Variants in USP34 observed in about 807,000 individuals in gnomAD.
USP34 encodes the protein ubiquitin carboxyl-terminal hydrolase 34.
USP34 carries 70 observed loss-of-function variants against 460.3 expected under a neutral mutation model. The observed-to-expected ratio is 0.15, with a 90% CI of 0.13 to 0.19. The LOEUF (loss-of-function observed/expected upper bound fraction) is 0.19. USP34 is among the 10% of genes least tolerant of loss of function. USP34 has a pLI of 1.00. For missense variants in USP34, 3,985 were observed against 4,236.2 expected (o/e 0.94, Z 1.65); for synonymous variants, 1,647 against 1,405.3 (o/e 1.17, Z -3.85).
At chr2:61,462,952 G>A (rs1053112391) in intron 1 of USP34, among the ~76,000 whole-genome samples, 1 of 150,762 alleles carries the variant, frequency 6.6e-6, no homozygotes, top group African/African-American at 2.4e-5. Context: ...AATCACTTGA[G>A]CCCAGGAGGT....
chr2:61,342,040 G>C (rs1691619533), intron 16 of USP34, among the ~76,000 whole-genome samples: 1 of 152,078 alleles, frequency 6.6e-6, no homozygotes, highest in Admixed American at 6.5e-5. Context: ...TGGGATTACA[G>C]ATGTGAGCCA....
chr2:61,425,824 C>A (rs1694494482), intron 1 of USP34, among the ~76,000 whole-genome samples: 1 of 152,002 alleles, frequency 6.6e-6, no homozygotes. Context: ...GCTGGCATCA[C>A]CCCTTCCCCT....
At chr2:61,433,362 G>A (rs549124898) in intron 1 of USP34, among the ~76,000 whole-genome samples, 4 of 152,172 alleles carry the variant, frequency 2.6e-5, no homozygotes, top group South Asian at 2.1e-4. Context: ...GGCCAGGTGC[G>A]GTGGCTCATG....
chr2:61,243,124 G>C (rs1218361911), intron 51 of USP34, among the ~76,000 whole-genome samples: 1 of 151,822 alleles, frequency 6.6e-6, no homozygotes, highest in Non-Finnish European at 1.5e-5. Context: ...GAGATTACAG[G>C]CCTGAGCCAC....
At chr2:61,447,156 G>A (rs1695142638) in intron 1 of USP34, among the ~76,000 whole-genome samples, 1 of 146,820 alleles carries the variant, frequency 6.8e-6, no homozygotes, top group African/African-American at 2.5e-5. Flanking sequence ...TCGGGAGGCT[G>A]AGGCACCCGA....
intron 37 of USP34, 141 bp from the exon 38 acceptor site, chr2:61,281,383 AG>A: frequency 1.8e-6 from 2 of 1,100,368 alleles, no homozygotes; most frequent in African/African-American, 1.6e-5. Context: ...AGGCCCAGGC[AG>A]GAGGATAACC....
At chr2:61,361,549 A>G (rs550641297) in intron 10 of USP34, among the ~76,000 whole-genome samples, 1 of 152,334 alleles carries the variant, frequency 6.6e-6, no homozygotes, top group Admixed American at 6.5e-5. Flanking sequence ...TGCCAAGAAC[A>G]TATGATAGGG....
At position 61,246,357 on chromosome 2, in the gene USP34, A is replaced by T. The variant is rs758217282; in HGVS notation, c.6515T>A (p.Ile2172Lys). 6.3e-7 allele frequency: 1 copy of T among 1,595,972 alleles called. No homozygotes were observed. The highest frequency in any genetic ancestry group is 1.7e-5 in the Admixed American group (1 of 57,226). Residue 2172 changes from isoleucine to lysine, a missense_variant, in exon 50 of 80, where the codon ATA becomes AAA. Physicochemically the swap from Ile to Lys is moderately radical, Grantham distance 102. This residue lies in a region of USP34 where 70 missense variants were observed against 78.1 expected (regional missense o/e 0.90). Transcript: ENST00000398571. ...GGHYYSFIRD[I>K]VNPHAYKNNK... ...GTTTTTATAAGCATGGGGATTTACT[A>T]TATCTCTGATAAAGCTATAATAGTG... is the stretch of plus-strand genomic sequence containing the variant.
chr2:61,422,531 G>C (rs1489865429), intron 1 of USP34, among the ~76,000 whole-genome samples: 1 of 152,224 alleles, frequency 6.6e-6, no homozygotes, highest in Non-Finnish European at 1.5e-5. Flanking sequence ...ACTCAAAGGT[G>C]AAAGCCCAAA....
chr2:61,286,499 T>C (rs1038312180), intron 34 of USP34, among the ~76,000 whole-genome samples: 4 of 151,790 alleles, frequency 2.6e-5, no homozygotes, highest in Non-Finnish European at 4.4e-5. Context: ...CTATGAAAAA[T>C]ACAAAAATTA....
At chr2:61,294,116 C>G (rs180784204) in intron 32 of USP34, among the ~76,000 whole-genome samples, 1 of 151,976 alleles carries the variant, frequency 6.6e-6, no homozygotes, top group Admixed American at 6.6e-5. Context: ...GAGGCCGAGG[C>G]GGGTGGATCA....
chr2:61,422,269 A>AT (rs1276673893), intron 1 of USP34, among the ~76,000 whole-genome samples: 3 of 152,228 alleles, frequency 2.0e-5, no homozygotes, highest in African/African-American at 4.8e-5. Context: ...TTCCCCAGCC[A>AT]TAACAGTGCC....
chr2:61,241,680 A>G, intron 52 of USP34, 25 bp from the exon 53 acceptor site: 1 of 1,561,248 alleles, frequency 6.4e-7, no homozygotes, highest in Non-Finnish European at 8.7e-7. Flanking sequence ...AAAAAAATTT[A>G]TTTTCATTTT....
At chr2:61,375,718 A>G (rs994285459) in intron 8 of USP34, among the ~76,000 whole-genome samples, 16 of 147,998 alleles carry the variant, frequency 1.1e-4, no homozygotes, top group East Asian at 2.1e-4. Context: ...GCAGTGAGCC[A>G]AGATCGCGCC....
chr2:61,259,845 G>T (rs1303982991), intron 43 of USP34, 69 bp from the exon 44 acceptor site: 2 of 1,471,596 alleles, frequency 1.4e-6, no homozygotes, highest in Non-Finnish European at 1.9e-6. Context: ...TTCTAGCAAA[G>T]AAAGTCTTGC....
chr2:61,417,823 C>A (rs969388543), intron 2 of USP34, among the ~76,000 whole-genome samples: 3 of 149,294 alleles, frequency 2.0e-5, no homozygotes, highest in African/African-American at 7.4e-5. Flanking sequence ...CTCACTGCAA[C>A]CTCTGCCTCC....
intron 7 of USP34, 111 bp from the exon 8 acceptor site, chr2:61,378,535 G>T: frequency 1.7e-6 from 1 of 590,324 alleles, no homozygotes; most frequent in East Asian, 3.2e-5. Context: ...ACAATAACTA[G>T]ATTAATATTA....
chr2:61,252,815 ATAAG>A (rs1400943585), intron 48 of USP34, among the ~76,000 whole-genome samples: 2 of 152,234 alleles, frequency 1.3e-5, no homozygotes, highest in Non-Finnish European at 2.9e-5. Context: ...CATTGTGTCA[ATAAG>A]TAAGAGAGAT....
At chr2:61,294,918 T>A (rs1172119672) in intron 32 of USP34, 31 bp downstream of exon 32, 1 of 1,561,826 alleles carries the variant, frequency 6.4e-7, no homozygotes, top group Admixed American at 1.8e-5. Flanking sequence ...ATTATTTTTA[T>A]CAATACATTG....
Sources: gnomAD v4.1 joint callset for allele counts (sites outside exome capture counted in the v4.1 genomes callset) on GRCh38, gnomAD v4.1.1 for gene constraint, gnomAD v4.1.1 regional missense constraint, MANE v1.5 for transcripts, NCBI Gene and HGNC (gene_info 2026-07-23, HGNC 2026-07-21) for gene names.